Variants in NRXN3 observed in about 807,000 individuals in gnomAD.
The protein encoded by NRXN3 is neurexin III.
NRXN3 carries 32 observed loss-of-function variants against 137.6 expected under a neutral mutation model. The observed-to-expected ratio is 0.23, with a 90% CI of 0.18 to 0.31. NRXN3 has a LOEUF of 0.31. Among genes scored for constraint, NRXN3 ranks in the 10% least tolerant of loss-of-function variants. The pLI, the probability that NRXN3 is intolerant of heterozygous loss-of-function variation, is 1.00. For missense variants in NRXN3, 1,574 were observed against 2,062.5 expected, an observed-to-expected ratio of 0.76 and a Z score of 4.59; for synonymous variants, 798 against 784.5, an observed-to-expected ratio of 1.02 and a Z score of -0.29.
intron 16 of NRXN3, among the ~76,000 whole-genome samples, chr14:79,498,232 C>T (rs1448947118): frequency 6.6e-6 from 1 of 152,162 alleles, no homozygotes; most frequent in Non-Finnish European, 1.5e-5. Flanking sequence ...ATCTCATAAA[C>T]CTACTTACTC....
chr14:78,411,416 A>G (rs2092822067), intron 4 of NRXN3, among the ~76,000 whole-genome samples: 2 of 152,028 alleles, frequency 1.3e-5, no homozygotes, highest in African/African-American at 4.8e-5. Flanking sequence ...TTGTATTAGG[A>G]TCCCTGCCTT....
At chr14:79,522,540 C>T (rs2097077341) in intron 16 of NRXN3, among the ~76,000 whole-genome samples, 1 of 152,088 alleles carries the variant, frequency 6.6e-6, no homozygotes, top group Admixed American at 6.6e-5. Context: ...TTAAGGATAT[C>T]TTAGTCTGAC....
In NRXN3 at chr14:78,531,460, T is replaced by C. The variant is rs11850029; in HGVS notation, c.758-113660T>C. 8.4e-3 allele frequency among the ~76,000 whole-genome samples: 1,278 copies of C among 152,334 alleles called. 14 individuals carry two copies. The highest frequency in any genetic ancestry group is 0.029 in the African/African-American group (1,199 of 41,562). ...GAAGGGCAGGAGCTGAAATTTTACC[T>C]GAGCCACCAATTTTCTCAAAACCTT... On this transcript the variant is annotated intron_variant, in intron 4 of 20. Coordinates refer to ENST00000335750, the MANE Select transcript of NRXN3 (RefSeq NM_001330195.2).
intron 15 of NRXN3, among the ~76,000 whole-genome samples, chr14:79,330,297 T>C (rs934046209): frequency 6.6e-6 from 1 of 152,114 alleles, no homozygotes; most frequent in African/African-American, 2.4e-5. Flanking sequence ...TGGAAATATT[T>C]GATTCCAGAG....
At chr14:78,567,918 C>T (rs1393812196) in intron 4 of NRXN3, among the ~76,000 whole-genome samples, 1 of 152,116 alleles carries the variant, frequency 6.6e-6, no homozygotes, top group Non-Finnish European at 1.5e-5. Context: ...CCACTTTCAT[C>T]GTGTTTCCAT....
Position 79,586,850 on chromosome 14 carries a change from T to C in NRXN3, c.3445-76928T>C, listed in dbSNP as rs1397454419. ...CACCAGTAGTAGCTATTCATATTCA[T>C]TCTTCTATTTTCTTTGCATGATTAA... On this transcript the variant is annotated intron_variant, in intron 16 of 20. Transcript: ENST00000335750. 3.9e-5 allele frequency among the ~76,000 whole-genome samples: 6 copies of C among 152,360 alleles called. No homozygotes were observed. In the East Asian group the frequency reaches 9.6e-4, roughly 24 times the overall value.
intron 15 of NRXN3, among the ~76,000 whole-genome samples, chr14:78,988,769 A>ATG (rs1485192821): frequency 7.0e-6 from 1 of 143,674 alleles, no homozygotes; most frequent in East Asian, 2.4e-4. Flanking sequence ...GTGTGTATAT[A>ATG]TATGTGTGTG....
intron 4 of NRXN3, among the ~76,000 whole-genome samples, chr14:78,506,865 A>G (rs1352032656): frequency 1.3e-5 from 2 of 151,926 alleles, no homozygotes; most frequent in Non-Finnish European, 2.9e-5. Flanking sequence ...TATTTCCCTG[A>G]TAATTAACAA....
At chr14:79,106,704 T>A (rs2052510597) in intron 15 of NRXN3, among the ~76,000 whole-genome samples, 1 of 152,128 alleles carries the variant, frequency 6.6e-6, no homozygotes, top group African/African-American at 2.4e-5. Flanking sequence ...TATATAAATT[T>A]TACCATAATT....
chr14:78,665,040 T>A (rs1478467298), intron 6 of NRXN3, among the ~76,000 whole-genome samples: 1 of 151,968 alleles, frequency 6.6e-6, no homozygotes, highest in African/African-American at 2.4e-5. Context: ...GTTCAAAGAG[T>A]GGGAGTGTGT....
In NRXN3 at chr14:78,243,813, C is replaced by G; in HGVS notation, c.709+11C>G. The stretch of plus-strand genomic sequence containing the variant: ...AGCTCTGCTCAGAAGGTAAGACCCT[C>G]TCCCTCTCTTGCTAGAGACCCACCC... On this transcript the variant is annotated intron_variant, in intron 2 of 20. Transcript: ENST00000335750. This position sits in a 1 kb window ranked among gnomAD's most constrained non-coding sequence, Gnocchi z 4.2. 1 of 1,546,678 alleles carries G rather than the reference C, an allele frequency of 6.5e-7. No individual in the cohort carries two copies. Among genetic ancestry groups the G allele is most frequent in the Non-Finnish European group, 8.7e-7 (1 of 1,153,502 alleles).
chr14:79,666,439 GTA>G (rs1567825579), intron 17 of NRXN3, among the ~76,000 whole-genome samples: 4 of 152,012 alleles, frequency 2.6e-5, no homozygotes, highest in Non-Finnish European at 5.9e-5. Flanking sequence ...ATATTTTTGA[GTA>G]CAGATTTCTT....
intron 17 of NRXN3, among the ~76,000 whole-genome samples, chr14:79,681,865 A>C (rs1296192439): frequency 6.6e-6 from 1 of 152,148 alleles, no homozygotes; most frequent in Non-Finnish European, 1.5e-5. Context: ...TGTGGTTGGA[A>C]ATCAGTGACT....
intron 15 of NRXN3, among the ~76,000 whole-genome samples, chr14:79,211,734 G>C (rs1166768115): frequency 2.0e-5 from 3 of 152,098 alleles, no homozygotes; most frequent in Admixed American, 2.0e-4. Context: ...GCTATTCCAA[G>C]GGAATTCAAA....
At chr14:78,314,033 C>G (rs1220855840) in intron 4 of NRXN3, among the ~76,000 whole-genome samples, 1 of 152,144 alleles carries the variant, frequency 6.6e-6, no homozygotes, top group Non-Finnish European at 1.5e-5. Context: ...AAGAAAACCC[C>G]TATATAATGA....
chr14:79,043,499 AG>A (rs2099628317), intron 15 of NRXN3, among the ~76,000 whole-genome samples: 1 of 152,164 alleles, frequency 6.6e-6, no homozygotes, highest in African/African-American at 2.4e-5. Context: ...AAGCAACTGG[AG>A]GTCCTGAAAT....
At chr14:79,463,220 T>G (rs1477976999) in intron 15 of NRXN3, among the ~76,000 whole-genome samples, 1 of 152,170 alleles carries the variant, frequency 6.6e-6, no homozygotes, top group Admixed American at 6.5e-5. Context: ...GAGAAAAAAT[T>G]ATATTCCTCA....
intron 19 of NRXN3, among the ~76,000 whole-genome samples, chr14:79,705,568 A>ATCTT (rs1409582946): frequency 6.6e-6 from 1 of 152,140 alleles, no homozygotes; most frequent in Non-Finnish European, 1.5e-5. Flanking sequence ...CCCCCGTTAA[A>ATCTT]TCTTACACCT....
At chr14:78,675,223 C>A (rs117415320) in intron 6 of NRXN3, among the ~76,000 whole-genome samples, 1 of 152,282 alleles carries the variant, frequency 6.6e-6, no homozygotes, top group Non-Finnish European at 1.5e-5. Flanking sequence ...TACCACCTGG[C>A]CTTCTAGGCA....
Sources: allele counts gnomAD v4.1 joint callset (sites outside exome capture counted in the v4.1 genomes callset), GRCh38; gene constraint gnomAD v4.1.1; non-coding constraint Gnocchi (gnomAD v3.1); transcripts MANE v1.5; gene names NCBI Gene and HGNC (gene_info 2026-07-23, HGNC 2026-07-21).